Variants in PMFBP1 observed in about 807,000 individuals in gnomAD.
PMFBP1 encodes the protein polyamine modulated factor 1 binding protein 1.
A neutral mutation model predicts 137.8 loss-of-function variants in PMFBP1; 131 were observed. That is an observed-to-expected ratio of 0.95 (90% CI 0.82 to 1.10). The LOEUF is 1.10. PMFBP1 is among the 50% of genes least tolerant of loss of function. The pLI, the probability that PMFBP1 is intolerant of heterozygous loss-of-function variation, is 0.00. For synonymous variants in PMFBP1, 490 were observed against 450.4 expected (o/e 1.09, Z -1.11); for missense variants, 1,199 against 1,175.4 (o/e 1.02, Z -0.29).
intron 5 of PMFBP1, among the ~76,000 whole-genome samples, chr16:72,149,901 C>G (rs1246557039): frequency 6.6e-6 from 1 of 152,080 alleles, no homozygotes; most frequent in East Asian, 1.9e-4. Flanking sequence ...GCACAAGCCC[C>G]GAGAGGATTC....
intron 3 of PMFBP1, among the ~76,000 whole-genome samples, chr16:72,161,030 G>T (rs1298139025): frequency 1.3e-5 from 2 of 150,742 alleles, no homozygotes; most frequent in African/African-American, 4.9e-5. Context: ...TATCTTTGAA[G>T]TAAGTGAGAT....
At chr16:72,207,710 A>ATGTG in the PMFBP1 span, among the ~76,000 whole-genome samples, 6,216 of 143,984 alleles carry the variant, frequency 0.043, 322 homozygotes, top group African/African-American at 0.13. Flanking sequence ...CCAGTAGGGC[A>ATGTG]TGTGTGTGTG....
chr16:72,186,291 T>C, the PMFBP1 span, among the ~76,000 whole-genome samples: 1 of 152,342 alleles, frequency 6.6e-6, no homozygotes, highest in East Asian at 1.9e-4. Context: ...TTGCAGTATG[T>C]TCCAAATGGC....
chr16:72,182,848 A>T, the PMFBP1 span, among the ~76,000 whole-genome samples: 2 of 151,734 alleles, frequency 1.3e-5, no homozygotes, highest in African/African-American at 4.8e-5. Flanking sequence ...CCCCTCACAT[A>T]CTCTCTGCCT....
intron 7 of PMFBP1, among the ~76,000 whole-genome samples, chr16:72,137,383 T>C (rs1037378137): frequency 1.3e-5 from 2 of 152,122 alleles, no homozygotes; most frequent in South Asian, 2.1e-4. Flanking sequence ...TAGTGACTTA[T>C]AGAAAATGTT....
chr16:72,212,406 C>T, the PMFBP1 span, among the ~76,000 whole-genome samples: 1 of 151,792 alleles, frequency 6.6e-6, no homozygotes, highest in Non-Finnish European at 1.5e-5. Flanking sequence ...GGTACATGTG[C>T]CAAATCCAGC....
the PMFBP1 span, among the ~76,000 whole-genome samples, chr16:72,217,389 A>T: frequency 0.3 from 45,296 of 151,980 alleles, 7,728 homozygotes; most frequent in African/African-American, 0.46. Flanking sequence ...TTTATGTATG[A>T]CACAATTTAC....
At chr16:72,241,439 A>T in the PMFBP1 span, among the ~76,000 whole-genome samples, 5 of 152,350 alleles carry the variant, frequency 3.3e-5, no homozygotes, top group Middle Eastern at 3.4e-3. Flanking sequence ...GCCAATAATT[A>T]AAAAAATTTC....
At position 72,140,187 on chromosome 16, in the gene PMFBP1, G is replaced by C. The variant is rs1179198094; in HGVS notation, c.807+225C>G. 2.0e-5 allele frequency among the ~76,000 whole-genome samples: 3 copies of C among 152,168 alleles called. No individual in the cohort carries two copies. In the East Asian group the frequency reaches 5.8e-4, roughly 29 times the overall value. On this transcript the variant is annotated intron_variant, in intron 6 of 20. Transcript: ENST00000237353. ...CCATTTCCCCACTGATGGGCAGTTA[G>C]GTTGTTGTGTGAGAGATTTTAAGAT...
intron 5 of PMFBP1, among the ~76,000 whole-genome samples, chr16:72,144,850 A>G (rs1400444658): frequency 6.6e-6 from 1 of 152,176 alleles, no homozygotes; most frequent in African/African-American, 2.4e-5. Context: ...ATATATATGC[A>G]CCCAATAGAG....
chr16:72,154,834 G>C (rs912429933), intron 3 of PMFBP1, among the ~76,000 whole-genome samples: 6 of 152,184 alleles, frequency 3.9e-5, no homozygotes, highest in Non-Finnish European at 7.3e-5. Context: ...TCTGGCCTTG[G>C]TTCTTGGACT....
intron 6 of PMFBP1, among the ~76,000 whole-genome samples, chr16:72,139,618 T>C (rs544560508): frequency 2.6e-4 from 40 of 152,330 alleles, no homozygotes; most frequent in Non-Finnish European, 4.4e-4. Flanking sequence ...AGTTCATCAA[T>C]GCCCACCCTT....
chr16:72,134,341 C>T (rs930038024), intron 9 of PMFBP1, among the ~76,000 whole-genome samples: 10 of 152,224 alleles, frequency 6.6e-5, no homozygotes, highest in East Asian at 1.9e-4. Flanking sequence ...TGCCACCACA[C>T]TCAGCTAGTT....
At chr16:72,208,857 G>A in the PMFBP1 span, among the ~76,000 whole-genome samples, 1 of 152,198 alleles carries the variant, frequency 6.6e-6, no homozygotes, top group Non-Finnish European at 1.5e-5. Flanking sequence ...TGGGGCAGGT[G>A]GTAAGTTGGC....
rs1374493503 is a variant in PMFBP1 at position 72,123,580 on chromosome 16, T to A, written c.2659A>T (p.Met887Leu). The A allele has an allele frequency of 1.9e-6, 3 of 1,614,180 alleles. No homozygotes were observed. The highest frequency in any genetic ancestry group is 1.3e-5 in the African/African-American group (1 of 75,052). ...CRLYRGNDQIMTNLEQWAKQQ... is the reference protein window; with the variant it reads ...CRLYRGNDQILTNLEQWAKQQ... ...TTTGCCCATTGCTCCAAGTTGGTCA[T>A]AATCTGATCATTCCCTCGGTAGAGC... Residue 887 changes from methionine (M) to leucine (L), a missense_variant, in exon 18 of 21, where the codon ATG becomes TTG. Met to Leu is a conservative substitution (Grantham distance 15). Transcript: ENST00000237353.
chr16:72,242,522 T>C, the PMFBP1 span, among the ~76,000 whole-genome samples: 1 of 152,224 alleles, frequency 6.6e-6, no homozygotes, highest in African/African-American at 2.4e-5. Context: ...GCTATCAAAA[T>C]TTCTACATTA....
intron 5 of PMFBP1, among the ~76,000 whole-genome samples, chr16:72,147,097 G>C (rs2042819885): frequency 1.3e-5 from 2 of 152,208 alleles, no homozygotes; most frequent in South Asian, 2.1e-4. Flanking sequence ...CAAAGCTGGA[G>C]GCATCATGCT....
At chr16:72,226,304 G>A in the PMFBP1 span, among the ~76,000 whole-genome samples, 10 of 152,230 alleles carry the variant, frequency 6.6e-5, no homozygotes, top group East Asian at 1.9e-3. Flanking sequence ...AGAGCAATTA[G>A]CATGGCCAGT....
Position 72,132,594 on chromosome 16 carries a change from C to T in PMFBP1, c.1447+154G>A, listed in dbSNP as rs1017744496. ...GAATTCAAGAGGGCGGTGGCCACTG[C>T]TGTGAGGTATAGGATGAGGCCCTGA... is the stretch of plus-strand genomic sequence containing the variant. On this transcript the variant is annotated intron_variant, in intron 10 of 20. Transcript: ENST00000237353. 167 of 1,241,300 alleles carry T rather than the reference C, an allele frequency of 1.3e-4. No homozygotes were observed. The African/African-American group carries it at 2.2e-3, about 16-fold the overall frequency. The allele number at this position is 1,241,300 out of a possible 1,614,324, so 76.9% of individuals were successfully genotyped here.
Sources: allele counts gnomAD v4.1 joint callset (sites outside exome capture counted in the v4.1 genomes callset), GRCh38; gene constraint gnomAD v4.1.1; transcripts MANE v1.5; gene names NCBI Gene and HGNC (gene_info 2026-07-23, HGNC 2026-07-21).